The following IRS2 variants were observed in gnomAD, a reference collection of about 807,000 sequenced individuals.
IRS2 encodes insulin receptor substrate 2.
A neutral mutation model predicts 70.9 loss-of-function variants in IRS2; 28 were observed. That is an observed-to-expected ratio of 0.39 (90% CI 0.29 to 0.54). The LOEUF (loss-of-function observed/expected upper bound fraction) is 0.54. IRS2 is among the 20% of genes least tolerant of loss of function. The probability of loss-of-function intolerance (pLI) is 0.59; values close to 1 mark genes in which losing one functional copy is unlikely to be tolerated. For synonymous variants in IRS2, 1,217 were observed against 981.9 expected (o/e 1.24, Z -4.48); for missense variants, 2,081 against 2,024.1 (o/e 1.03, Z -0.54).
chr13:109,761,541 T>C (rs1877226816), intron 1 of IRS2, among the ~76,000 whole-genome samples: 1 of 148,322 alleles, frequency 6.7e-6, no homozygotes, highest in Admixed American at 6.8e-5. Flanking sequence ...ATAAACCCGA[T>C]AATTTAGTAT....
chr13:109,758,475 C>T (rs1255240497), intron 1 of IRS2, among the ~76,000 whole-genome samples: 4 of 152,146 alleles, frequency 2.6e-5, no homozygotes, highest in East Asian at 1.9e-4. Context: ...ATATAAATGG[C>T]GGGTAAATTA....
intron 1 of IRS2, among the ~76,000 whole-genome samples, chr13:109,778,709 C>A (rs1353538735): frequency 6.6e-6 from 1 of 152,116 alleles, no homozygotes; most frequent in East Asian, 1.9e-4. Context: ...AAATGATAAT[C>A]CTTTTATTCA....
At position 109,755,090 on chromosome 13, in the gene IRS2, A is replaced by G. The variant is rs1877072706; in HGVS notation, c.*1214T>C. ...TTCAGAATACTGAAAACATAAAACA[A>G]GGGTAGTCTTGTCCGGAATTTTTTC... On this transcript the variant is annotated 3_prime_UTR_variant, in exon 2 of 2. Transcript: ENST00000375856. 1 of 231,330 alleles carries G rather than the reference A, an allele frequency of 4.3e-6. No individual in the cohort carries two copies. Among genetic ancestry groups the G allele is most frequent in the African/African-American group, 2.2e-5 (1 of 45,246 alleles). The allele number at this position is 231,330 out of a possible 1,614,324, so 14.3% of individuals were successfully genotyped here.
In IRS2 at chr13:109,785,231, C is replaced by T. The variant is rs2138937800; in HGVS notation, c.823G>A (p.Asp275Asn). ...TGPGELWMQA[D>N]DSVVAQNIHE... ...ATGTTCTGCGCCACCACCGAGTCGT[C>T]CGCCTGCATCCACAGCTCGCCGGGG... The change falls in exon 1 of 2, where the codon GAC (aspartate) becomes AAC (asparagine). Residue 275 changes from aspartate (D) to asparagine (N), a missense_variant. Physicochemically the swap from Asp to Asn is conservative, Grantham distance 23. Transcript: ENST00000375856. The surrounding 1 kb of genome is among the most constrained non-coding windows in gnomAD (Gnocchi z 9.3). 1 of 1,605,598 alleles carries T rather than the reference C, an allele frequency of 6.2e-7. No individual in the cohort carries two copies. The highest frequency in any genetic ancestry group is 8.5e-7 in the Non-Finnish European group (1 of 1,177,008).
chr13:109,776,148 C>CA lies in IRS2; in HGVS notation c.4012+5893dup, dbSNP rs34025950. Reference sequence around the variant, plus strand: ...TGAGTGATAGAGTGAGACTCCGTCTCAAAAAAAAAAAAAGAAAAAAACCCA... The same window carrying CA: ...TGAGTGATAGAGTGAGACTCCGTCTCAAAAAAAAAAAAAAGAAAAAAACCCA... On this transcript the variant is annotated intron_variant, in intron 1 of 1. Coordinates refer to ENST00000375856, the MANE Select transcript of IRS2 (RefSeq NM_003749.3). Among the ~76,000 whole-genome samples, 142 of 110,692 alleles carry CA rather than the reference C, an allele frequency of 1.3e-3. 1 individual carries two copies. Among genetic ancestry groups the CA allele is most frequent in the South Asian group, 2.8e-3 (9 of 3,170 alleles). The allele number at this position is 110,692 out of a possible 152,430, so 72.6% of individuals were successfully genotyped here. A position where few individuals can be genotyped will look rare whatever the true frequency, so the allele number is the denominator to read the frequency against.
chr13:109,782,115 G>A lies in IRS2; in HGVS notation c.3939C>T (p.Ala1313=). 1 of 1,611,184 alleles carries A rather than the reference G, an allele frequency of 6.2e-7. No individual in the cohort carries two copies. Among genetic ancestry groups the A allele is most frequent in the Non-Finnish European group, 8.5e-7 (1 of 1,179,336 alleles). The change falls in exon 1 of 2, where the codon GCC becomes GCT. Residue 1313 remains alanine, a synonymous_variant. Coordinates refer to ENST00000375856, the MANE Select transcript of IRS2 (RefSeq NM_003749.3). ...TGGCGTAGGTGTTGGCAGGGGGCAG[G>A]GCACCGGGACCCGGCCCCCCGCACC... ...GGGCGGPGPG[A]LPPANTYASI... is the part of the protein sequence containing the mutation.
rs536431176 is a variant in IRS2 at position 109,783,423 on chromosome 13, C to T, written c.2631G>A (p.Pro877=). ...PSPVRPSGGR[P]EGFLGQRGRA... ...GGCCGCGCTGGCCCAAGAAGCCCTC[C>T]GGGCGGCCGCCGCTAGGCCGCACGG... Residue 877 remains proline, a synonymous_variant, in exon 1 of 2, where the codon CCG becomes CCA. Coordinates refer to ENST00000375856, the MANE Select transcript of IRS2 (RefSeq NM_003749.3). 1.3e-3 allele frequency: 1,940 copies of T among 1,490,610 alleles called. 41 individuals are homozygous for T. In the South Asian group the frequency reaches 0.021, roughly 16 times the overall value. 92.3% of individuals were successfully genotyped at this position (1,490,610 alleles called of 1,614,324 possible). A position where few individuals can be genotyped will look rare whatever the true frequency, so the allele number is the denominator to read the frequency against.
Position 109,784,681 on chromosome 13 carries a change from G to A in IRS2, c.1373C>T (p.Ser458Phe). Reference protein sequence around the residue: ...LSSSSGHGSGSYPPPPGPHPP... With the variant: ...LSSSSGHGSGFYPPPPGPHPP... The stretch of plus-strand genomic sequence containing the variant: ...GTGCGGGCCGGGCGGCGGCGGGTAG[G>A]AGCCCGAGCCGTGGCCGCTGCTGGA... The change falls in exon 1 of 2, where the codon TCC becomes TTC. Residue 458 changes from serine (S) to phenylalanine (F), a missense_variant. Ser to Phe is a radical substitution (Grantham distance 155). Coordinates refer to ENST00000375856, the MANE Select transcript of IRS2 (RefSeq NM_003749.3). The surrounding 1 kb of genome is among the most constrained non-coding windows in gnomAD (Gnocchi z 5.2). The A allele has an allele frequency of 8.1e-7, 1 of 1,239,136 alleles. No homozygotes were observed. Among genetic ancestry groups the A allele is most frequent in the Non-Finnish European group, 1.0e-6 (1 of 994,316 alleles). The allele number at this position is 1,239,136 out of a possible 1,614,324, so 76.8% of individuals were successfully genotyped here. A position where few individuals can be genotyped will look rare whatever the true frequency, so the allele number is the denominator to read the frequency against.
chr13:109,785,540 C>G lies in IRS2; in HGVS notation c.514G>C (p.Gly172Arg), dbSNP rs1877893191. The G allele has an allele frequency of 6.4e-7, 1 of 1,565,262 alleles. No individual in the cohort carries two copies. The highest frequency in any genetic ancestry group is 1.4e-5 in the African/African-American group (1 of 73,214). Residue 172 changes from glycine (G) to arginine (R), a missense_variant, in exon 1 of 2, where the codon GGC becomes CGC. Physicochemically the swap from Gly to Arg is moderately radical, Grantham distance 125. Coordinates refer to ENST00000375856, the MANE Select transcript of IRS2 (RefSeq NM_003749.3). This position sits in a 1 kb window ranked among gnomAD's most constrained non-coding sequence, Gnocchi z 9.3. ...SCSASLPGAL[G>R]GSAGAAGAED... is the part of the protein sequence containing the mutation. The stretch of plus-strand genomic sequence containing the variant: ...GCCCCGGCGGCGCCGGCAGAGCCGC[C>G]CAGGGCGCCGGGCAGGGAGGCGCTG...
At chr13:109,776,020 G>T (rs1476865818) in intron 1 of IRS2, among the ~76,000 whole-genome samples, 2 of 151,920 alleles carry the variant, frequency 1.3e-5, no homozygotes, top group Non-Finnish European at 2.9e-5. Flanking sequence ...ATGGTGGCAT[G>T]CACCTCTAGT....
At chr13:109,781,505 C>T (rs944272495) in intron 1 of IRS2, among the ~76,000 whole-genome samples, 1 of 152,350 alleles carries the variant, frequency 6.6e-6, no homozygotes, top group African/African-American at 2.4e-5. Context: ...GGTTAACTGT[C>T]GCTATTAGCA....
intron 1 of IRS2, among the ~76,000 whole-genome samples, chr13:109,761,161 G>T (rs776938507): frequency 6.6e-6 from 1 of 152,206 alleles, no homozygotes; most frequent in African/African-American, 2.4e-5. Flanking sequence ...CTGCAGAGGG[G>T]CTTACGGCCA....
intron 1 of IRS2, among the ~76,000 whole-genome samples, chr13:109,762,078 C>G (rs1877239042): frequency 6.6e-6 from 1 of 152,172 alleles, no homozygotes; most frequent in Admixed American, 6.5e-5. Flanking sequence ...TTCAACTTTC[C>G]TATACAGGAG....
At position 109,785,829 on chromosome 13, in the gene IRS2, G is replaced by A. The variant is rs2138939302; in HGVS notation, c.225C>T (p.Tyr75=). The A allele has an allele frequency of 6.4e-7, 1 of 1,558,914 alleles. No individual in the cohort carries two copies. Among genetic ancestry groups the A allele is most frequent in the Non-Finnish European group, 8.6e-7 (1 of 1,160,372 alleles). Residue 75 remains tyrosine (Y), a synonymous_variant, in exon 1 of 2, where the codon TAC becomes TAT. Coordinates refer to ENST00000375856, the MANE Select transcript of IRS2 (RefSeq NM_003749.3). This position sits in a 1 kb window ranked among gnomAD's most constrained non-coding sequence, Gnocchi z 9.3. ...TCCGCCACTTTTTCTCGCTCTCGTA[G>A]TACTCGAGCCGCGGCGGTTGCGGCG... ...GSAPQPPRLE[Y]YESEKKWRSK... is the part of the protein sequence containing the mutation.
Position 109,783,868 on chromosome 13 carries a change from G to T in IRS2, c.2186C>A (p.Ala729Asp). 1 of 1,552,432 alleles carries T rather than the reference G, an allele frequency of 6.4e-7. No homozygotes were observed. Reference sequence around the variant, plus strand: ...GGGGGAGCTCTCGGCGGGCGAGCTGGCCTTGTAGCCGCCCCCGCTCGCCGG... The same window carrying T: ...GGGGGAGCTCTCGGCGGGCGAGCTGTCCTTGTAGCCGCCCCCGCTCGCCGG... ...TFPASGGGYKASSPAESSPED... is the reference protein window; with the variant it reads ...TFPASGGGYKDSSPAESSPED... The change falls in exon 1 of 2, where the codon GCC becomes GAC. Residue 729 changes from alanine to aspartate, a missense_variant. By Grantham distance (126) the Ala-to-Asp change is moderately radical. Around this residue, in one of 4 missense-constraint regions of IRS2, gnomAD observed 1,615 missense variants for 1,459.5 expected, o/e 1.11. Coordinates refer to ENST00000375856, the MANE Select transcript of IRS2 (RefSeq NM_003749.3).
At chr13:109,767,145 C>G (rs1466098073) in intron 1 of IRS2, among the ~76,000 whole-genome samples, 1 of 152,150 alleles carries the variant, frequency 6.6e-6, no homozygotes, top group South Asian at 2.1e-4. Flanking sequence ...GAGGGTCCAG[C>G]AGGGTGCCCT....
intron 1 of IRS2, among the ~76,000 whole-genome samples, chr13:109,771,707 A>G (rs934168958): frequency 6.6e-6 from 1 of 152,260 alleles, no homozygotes; most frequent in Non-Finnish European, 1.5e-5. Context: ...GAAGCAAAGC[A>G]CTTTAGTAAT....
At chr13:109,776,185 G>T (rs1030815186) in intron 1 of IRS2, among the ~76,000 whole-genome samples, 4 of 152,022 alleles carry the variant, frequency 2.6e-5, no homozygotes, top group Admixed American at 2.6e-4. Flanking sequence ...CATTTACAGG[G>T]TGCAATGCGT....
chr13:109,767,531 C>A (rs1877361684), intron 1 of IRS2, among the ~76,000 whole-genome samples: 1 of 152,000 alleles, frequency 6.6e-6, no homozygotes, highest in East Asian at 1.9e-4. Flanking sequence ...CCTTGAAGGC[C>A]TTTAAGAATG....
Sources: gnomAD v4.1 joint callset for allele counts (sites outside exome capture counted in the v4.1 genomes callset) on GRCh38, gnomAD v4.1.1 for gene constraint, gnomAD v4.1.1 regional missense constraint, Gnocchi (gnomAD v3.1) non-coding constraint, MANE v1.5 for transcripts, NCBI Gene and HGNC (gene_info 2026-07-23, HGNC 2026-07-21) for gene names.